Variants in SGIP1 observed in about 807,000 individuals in gnomAD.
The protein encoded by SGIP1 is SH3-containing GRB2-like protein 3-interacting protein 1.
Under a neutral mutation model 107.5 loss-of-function variants are expected in SGIP1, and 38 were observed. The ratio of observed to expected loss-of-function variants is 0.35; its 90% CI spans 0.27 to 0.46. SGIP1 has a LOEUF of 0.46. SGIP1 is among the 20% of genes least tolerant of loss of function. SGIP1 has a pLI of 1.00. For missense variants in SGIP1, 929 were observed against 1,019.5 expected (o/e 0.91, Z 1.21); for synonymous variants, 365 against 366.1 (o/e 1.00, Z 0.03).
chr1:66,631,667 TTCTCTCTCTCTCTTTCTCTCTCTCTC>T (rs1247841869), intron 2 of SGIP1, among the ~76,000 whole-genome samples: 17 of 95,360 alleles, frequency 1.8e-4, no homozygotes, highest in African/African-American at 5.1e-4. Flanking sequence ...CTCTCTCTCT[TTCTCTCTCTCTCTTTCTCTCTCTCTC>T]TCTCTCTCTC....
intron 1 of SGIP1, among the ~76,000 whole-genome samples, chr1:66,570,354 T>A (rs2060220919): frequency 6.6e-6 from 1 of 151,864 alleles, no homozygotes; most frequent in African/African-American, 2.4e-5. Flanking sequence ...ATAATCCAGG[T>A]ATGCATTCCA....
chr1:66,719,655 A>G (rs574156802), intron 19 of SGIP1, among the ~76,000 whole-genome samples: 2 of 152,222 alleles, frequency 1.3e-5, no homozygotes, highest in Admixed American at 6.5e-5. Context: ...AACTTACTCT[A>G]GAAATCTAGA....
chr1:66,590,657 TA>T (rs892948865), intron 1 of SGIP1: 1 of 152,214 alleles, frequency 6.6e-6, no homozygotes, highest in African/African-American at 2.4e-5. Context: ...TATTCAGTGC[TA>T]AAACGAAATG....
At position 66,744,682 on chromosome 1, in the gene SGIP1, A is replaced by G. The variant is rs2094529652; in HGVS notation, c.*1587A>G. 6.6e-6 allele frequency: 1 copy of G among 152,152 alleles called. No individual in the cohort carries two copies. Among genetic ancestry groups the G allele is most frequent in the South Asian group, 2.1e-4 (1 of 4,830 alleles). The allele number at this position is 152,152 out of a possible 1,614,324, so 9.4% of individuals were successfully genotyped here. A position where few individuals can be genotyped will look rare whatever the true frequency, so the allele number is the denominator to read the frequency against. On this transcript the variant is annotated 3_prime_UTR_variant, in exon 25 of 25. Transcript: ENST00000371037. ...CTTCTAAAATGAGATTGTGACTGGC[A>G]ATTGTTTATAGTGAAACTTTTTAAA...
chr1:66,566,774 A>G (rs899851192), intron 1 of SGIP1, among the ~76,000 whole-genome samples: 3 of 151,978 alleles, frequency 2.0e-5, no homozygotes, highest in African/African-American at 7.2e-5. Context: ...TACATGTGCC[A>G]TGGTGATTTG....
At chr1:66,729,900 C>G (rs935578799) in intron 20 of SGIP1, among the ~76,000 whole-genome samples, 1 of 152,166 alleles carries the variant, frequency 6.6e-6, no homozygotes, top group Non-Finnish European at 1.5e-5. Flanking sequence ...CTCCTGGGTT[C>G]AAGTGGTTCT....
chr1:66,647,499 T>C (rs545476814), intron 7 of SGIP1, among the ~76,000 whole-genome samples: 1 of 152,208 alleles, frequency 6.6e-6, no homozygotes, highest in Non-Finnish European at 1.5e-5. Flanking sequence ...AAATGGCTAT[T>C]GGTGGACTTT....
intron 1 of SGIP1, among the ~76,000 whole-genome samples, chr1:66,546,021 C>G (rs1030524822): frequency 2.6e-5 from 4 of 152,114 alleles, no homozygotes. Context: ...GTGTAAGGAT[C>G]ACAAACTTTT....
At chr1:66,586,896 A>G (rs938155297) in intron 1 of SGIP1, among the ~76,000 whole-genome samples, 1 of 151,962 alleles carries the variant, frequency 6.6e-6, no homozygotes, top group African/African-American at 2.4e-5. Context: ...TTCTTTCATC[A>G]AAGAATGTCT....
intron 11 of SGIP1, among the ~76,000 whole-genome samples, chr1:66,672,406 T>G (rs2084046179): frequency 6.6e-6 from 1 of 152,228 alleles, no homozygotes; most frequent in Non-Finnish European, 1.5e-5. Flanking sequence ...TCCATTCTGT[T>G]TTTAGTTTTT....
chr1:66,703,880 G>GTA (rs369118194), intron 18 of SGIP1, among the ~76,000 whole-genome samples: 51 of 151,740 alleles, frequency 3.4e-4, no homozygotes, highest in Middle Eastern at 3.4e-3. Context: ...AACTCTGTGT[G>GTA]TGTGTGTGTG....
chr1:66,601,715 T>G (rs2065875212), intron 1 of SGIP1, among the ~76,000 whole-genome samples: 1 of 152,130 alleles, frequency 6.6e-6, no homozygotes, highest in Non-Finnish European at 1.5e-5. Context: ...TGAAGTATTT[T>G]ACAAAAAAAA....
intron 1 of SGIP1, among the ~76,000 whole-genome samples, chr1:66,565,121 A>G (rs783575): frequency 1.6e-3 from 239 of 152,058 alleles, no homozygotes; most frequent in African/African-American, 5.4e-3. Context: ...TGATTCCCCC[A>G]GTAAATTTCT....
chr1:66,667,764 T>A (rs1015382495), intron 9 of SGIP1, among the ~76,000 whole-genome samples: 7 of 152,120 alleles, frequency 4.6e-5, no homozygotes, highest in Non-Finnish European at 7.4e-5. Flanking sequence ...TAGATGGGAA[T>A]CCCAACTCCT....
At chr1:66,691,518 A>G (rs765128102) in intron 17 of SGIP1, among the ~76,000 whole-genome samples, 9 of 152,310 alleles carry the variant, frequency 5.9e-5, no homozygotes, top group African/African-American at 1.7e-4. Flanking sequence ...GATATTTAAC[A>G]TTATTTATGT....
intron 19 of SGIP1, among the ~76,000 whole-genome samples, chr1:66,728,213 A>T (rs1418143522): frequency 6.6e-6 from 1 of 152,232 alleles, no homozygotes; most frequent in African/African-American, 2.4e-5. Context: ...TGCTAAAGGC[A>T]TTACTCATGT....
chr1:66,591,023 A>C (rs976043910), intron 1 of SGIP1, among the ~76,000 whole-genome samples: 3 of 152,200 alleles, frequency 2.0e-5, no homozygotes, highest in African/African-American at 4.8e-5. Flanking sequence ...ATCAATGTAA[A>C]TTTTTTAAGG....
intron 18 of SGIP1, among the ~76,000 whole-genome samples, chr1:66,713,374 G>C (rs1395610365): frequency 6.6e-6 from 1 of 152,022 alleles, no homozygotes; most frequent in Non-Finnish European, 1.5e-5. Flanking sequence ...TTGAATTTCA[G>C]CTTCACCACT....
At chr1:66,631,345 C>A (rs769325361) in intron 2 of SGIP1, among the ~76,000 whole-genome samples, 2 of 152,180 alleles carry the variant, frequency 1.3e-5, no homozygotes, top group Non-Finnish European at 2.9e-5. Flanking sequence ...TTCTTCCTAT[C>A]ATTCTATTTT....
Sources: gnomAD v4.1 joint callset for allele counts (sites outside exome capture counted in the v4.1 genomes callset) on GRCh38, gnomAD v4.1.1 for gene constraint, MANE v1.5 for transcripts, NCBI Gene and HGNC (gene_info 2026-07-23, HGNC 2026-07-21) for gene names.